TAFA4: variants seen among roughly 807,000 people sequenced by gnomAD.
TAFA4 encodes the protein chemokine-like protein TAFA-4.
Under a neutral mutation model 21.1 loss-of-function variants are expected in TAFA4, and 20 were observed. That is an observed-to-expected ratio of 0.95 (90% CI 0.67 to 1.38). The LOEUF (loss-of-function observed/expected upper bound fraction) is 1.38, where lower values mean the gene tolerates loss of function less well. Among genes scored for constraint, TAFA4 ranks in the 40% most tolerant of loss-of-function variants. The pLI, the probability that TAFA4 is intolerant of heterozygous loss-of-function variation, is 0.00. For synonymous variants in TAFA4, 71 were observed against 67.4 expected, an observed-to-expected ratio of 1.05 and a Z score of -0.26; for missense variants, 211 against 180.9, an observed-to-expected ratio of 1.17 and a Z score of -0.95.
chr3:68,840,851 T>TA (rs1259963231), intron 3 of TAFA4, among the ~76,000 whole-genome samples: 1 of 152,210 alleles, frequency 6.6e-6, no homozygotes, highest in Non-Finnish European at 1.5e-5. Context: ...ATGGCTAGAC[T>TA]AACCAACCAC....
intron 3 of TAFA4, among the ~76,000 whole-genome samples, chr3:68,753,716 C>T (rs1200728975): frequency 2.6e-5 from 4 of 152,124 alleles, no homozygotes; most frequent in Non-Finnish European, 4.4e-5. Flanking sequence ...CCCTGAAAAG[C>T]AGACAGATGA....
At chr3:68,857,184 C>A (rs1023677311) in intron 3 of TAFA4, among the ~76,000 whole-genome samples, 5 of 152,142 alleles carry the variant, frequency 3.3e-5, no homozygotes, top group Admixed American at 6.6e-5. Flanking sequence ...ACGATTTCTC[C>A]CAATTTGTGC....
intron 1 of TAFA4, among the ~76,000 whole-genome samples, chr3:68,926,094 T>C (rs953256756): frequency 4.6e-5 from 7 of 151,990 alleles, no homozygotes; most frequent in African/African-American, 1.7e-4. Context: ...TAGCCAGGCA[T>C]GGTGGCGCAC....
chr3:68,815,188 T>C (rs1172097001), intron 3 of TAFA4, among the ~76,000 whole-genome samples: 1 of 152,184 alleles, frequency 6.6e-6, no homozygotes, highest in African/African-American at 2.4e-5. Context: ...GACTTAAATG[T>C]TAGACCTAAA....
At chr3:68,863,474 C>T (rs1386033100) in intron 3 of TAFA4, among the ~76,000 whole-genome samples, 1 of 152,094 alleles carries the variant, frequency 6.6e-6, no homozygotes, top group Non-Finnish European at 1.5e-5. Context: ...GTCAATTATT[C>T]ATCCCAAGAT....
intron 3 of TAFA4, among the ~76,000 whole-genome samples, chr3:68,774,144 A>G (rs1703007784): frequency 6.6e-6 from 1 of 152,280 alleles, no homozygotes; most frequent in African/African-American, 2.4e-5. Context: ...AGGTGGCAAT[A>G]CTTGGAAAGG....
intron 3 of TAFA4, among the ~76,000 whole-genome samples, chr3:68,862,548 T>A (rs142577214): frequency 6.6e-6 from 1 of 152,080 alleles, no homozygotes; most frequent in Non-Finnish European, 1.5e-5. Flanking sequence ...GGGATAGTCA[T>A]CGACAGAGAT....
chr3:68,737,328 T>C (rs535027441), intron 5 of TAFA4, among the ~76,000 whole-genome samples: 94 of 152,088 alleles, frequency 6.2e-4, no homozygotes, highest in African/African-American at 2.2e-3. Context: ...GCACGCTGAG[T>C]CTATATAGCA....
chr3:68,744,014 A>C (rs34720222), intron 4 of TAFA4, among the ~76,000 whole-genome samples: 6,485 of 152,322 alleles, frequency 0.043, 344 homozygotes, highest in East Asian at 0.26. Flanking sequence ...TACCATCTGC[A>C]GGACTAGAAA....
intron 3 of TAFA4, among the ~76,000 whole-genome samples, chr3:68,841,881 C>A (rs965195290): frequency 3.3e-5 from 5 of 152,092 alleles, no homozygotes; most frequent in African/African-American, 1.2e-4. Flanking sequence ...TGAACTCATC[C>A]ATTTTTATGG....
intron 1 of TAFA4, among the ~76,000 whole-genome samples, chr3:68,896,110 G>A (rs1423046349): frequency 6.6e-6 from 1 of 152,168 alleles, no homozygotes; most frequent in African/African-American, 2.4e-5. Flanking sequence ...CCAGAGGGGA[G>A]TAAGCAAGGC....
intron 1 of TAFA4, among the ~76,000 whole-genome samples, chr3:68,909,414 A>G (rs1362239882): frequency 1.3e-5 from 2 of 152,168 alleles, no homozygotes; most frequent in African/African-American, 4.8e-5. Context: ...CCTAGCACCT[A>G]ACACAGTGCC....
intron 1 of TAFA4, among the ~76,000 whole-genome samples, chr3:68,913,348 C>T (rs2089976689): frequency 6.6e-6 from 1 of 152,110 alleles, no homozygotes; most frequent in South Asian, 2.1e-4. Context: ...AGAGTGACTC[C>T]AGAGCCAGTT....
At chr3:68,888,160 T>C (rs1490445615) in intron 1 of TAFA4, among the ~76,000 whole-genome samples, 1 of 152,144 alleles carries the variant, frequency 6.6e-6, no homozygotes, top group Non-Finnish European at 1.5e-5. Flanking sequence ...AATGGAATCT[T>C]ATAAAACACT....
chr3:68,865,445 A>G (rs2089404574), intron 3 of TAFA4, among the ~76,000 whole-genome samples: 1 of 152,022 alleles, frequency 6.6e-6, no homozygotes, highest in Admixed American at 6.6e-5. Flanking sequence ...TGTTTTCACA[A>G]TAGTGAGTAA....
intron 3 of TAFA4, among the ~76,000 whole-genome samples, chr3:68,817,991 C>A (rs1704026453): frequency 1.3e-5 from 2 of 152,136 alleles, no homozygotes; most frequent in Non-Finnish European, 2.9e-5. Flanking sequence ...TGGAGCCTAG[C>A]AGTGACTACT....
intron 3 of TAFA4, among the ~76,000 whole-genome samples, chr3:68,767,267 G>A (rs906300302): frequency 6.6e-6 from 1 of 152,120 alleles, no homozygotes; most frequent in Non-Finnish European, 1.5e-5. Context: ...AGAGATATGG[G>A]GCCCAGGAAT....
At chr3:68,890,447 T>C (rs2089718832) in intron 1 of TAFA4, among the ~76,000 whole-genome samples, 1 of 152,210 alleles carries the variant, frequency 6.6e-6, no homozygotes, top group African/African-American at 2.4e-5. Flanking sequence ...AGTTTGAATG[T>C]TGTGGTTAAT....
At chr3:68,842,531 G>T (rs926185065) in intron 3 of TAFA4, among the ~76,000 whole-genome samples, 4 of 152,170 alleles carry the variant, frequency 2.6e-5, no homozygotes, top group African/African-American at 9.7e-5. Flanking sequence ...TTCCTGTGCA[G>T]AAGCTTTTTA....
Sources: gnomAD v4.1 joint callset for allele counts (sites outside exome capture counted in the v4.1 genomes callset) on GRCh38, gnomAD v4.1.1 for gene constraint, MANE v1.5 for transcripts, NCBI Gene and HGNC (gene_info 2026-07-23, HGNC 2026-07-21) for gene names.